SPART: variants seen among roughly 807,000 people sequenced by gnomAD.
SPART encodes spartin, also known as spastic paraplegia 20 (Troyer syndrome).
SPART carries 35 observed loss-of-function variants against 58.7 expected under a neutral mutation model. The ratio of observed to expected loss-of-function variants is 0.60; its 90% confidence interval spans 0.46 to 0.79. The LOEUF is 0.79. Among genes scored for constraint, SPART ranks in the 30% least tolerant of loss-of-function variants. The pLI is 0.00. For missense variants in SPART, 730 were observed against 786.1 expected, an observed-to-expected ratio of 0.93 and a Z score of 0.85; for synonymous variants, 284 against 280.7, an observed-to-expected ratio of 1.01 and a Z score of -0.12.
chr13:36,356,005 A>G (rs1470508265), intron 1 of SPART, among the ~76,000 whole-genome samples: 4 of 152,234 alleles, frequency 2.6e-5, no homozygotes, highest in Non-Finnish European at 5.9e-5. Flanking sequence ...TTTTACATAT[A>G]GTACTTAGCT....
chr13:36,367,492 G>A (rs1886106841), intron 1 of SPART, among the ~76,000 whole-genome samples: 1 of 152,030 alleles, frequency 6.6e-6, no homozygotes, highest in African/African-American at 2.4e-5. Context: ...TGGCAAGGTG[G>A]GGACCTCCTC....
chr13:36,317,852 C>T (rs190573951), intron 5 of SPART, among the ~76,000 whole-genome samples: 12 of 152,254 alleles, frequency 7.9e-5, no homozygotes, highest in Admixed American at 6.5e-5. Context: ...ACAGTAGTTC[C>T]AAATAGCCAG....
intron 1 of SPART, among the ~76,000 whole-genome samples, chr13:36,345,202 C>T (rs943473329): frequency 6.6e-6 from 1 of 152,186 alleles, no homozygotes; most frequent in African/African-American, 2.4e-5. Flanking sequence ...CCCTCCGTAG[C>T]ATCCCGCTCA....
chr13:36,325,299 C>A (rs756928874), intron 5 of SPART, among the ~76,000 whole-genome samples: 6 of 152,150 alleles, frequency 3.9e-5, no homozygotes, highest in Non-Finnish European at 8.8e-5. Flanking sequence ...CTTTGTAAAT[C>A]TCTTTCAAGT....
chr13:36,365,469 T>A (rs997399162), intron 1 of SPART: 6 of 363,866 alleles, frequency 1.6e-5, no homozygotes, highest in Admixed American at 7.9e-5. Flanking sequence ...CAAAATGTTT[T>A]TCATTTTGTT....
chr13:36,315,018 C>T (rs564510269), intron 5 of SPART, among the ~76,000 whole-genome samples: 1 of 152,178 alleles, frequency 6.6e-6, no homozygotes, highest in Non-Finnish European at 1.5e-5. Flanking sequence ...GCTACACATA[C>T]CTGAATGACA....
At chr13:36,316,731 C>T (rs920731575) in intron 5 of SPART, among the ~76,000 whole-genome samples, 3 of 152,202 alleles carry the variant, frequency 2.0e-5, no homozygotes, top group African/African-American at 4.8e-5. Context: ...GTTGCTCACA[C>T]AAAGCCTGTT....
At chr13:36,350,099 T>C (rs961062261), upstream of SPART, among the ~76,000 whole-genome samples, 1 of 152,230 alleles carries the variant, frequency 6.6e-6, no homozygotes, top group Non-Finnish European at 1.5e-5. Context: ...ATATATCTTA[T>C]TGAGGTAAAA....
Position 36,302,642 on chromosome 13 carries a change from A to G in SPART, c.*1723T>C, listed in dbSNP as rs1310830676. 2 of 152,154 alleles carry G rather than the reference A, an allele frequency of 1.3e-5. No individual in the cohort carries two copies. Among genetic ancestry groups the G allele is most frequent in the Non-Finnish European group, 2.9e-5 (2 of 68,014 alleles). 9.4% of individuals were successfully genotyped at this position (152,154 alleles called of 1,614,324 possible). On this transcript the variant is annotated 3_prime_UTR_variant, in exon 9 of 9. Coordinates refer to ENST00000438666, the MANE Select transcript of SPART (RefSeq NM_015087.5). ...TTATGGGTACATGGTAGGTGTATAT[A>G]TTTATGGGATACATGAGATATTTTG...
Position 36,331,598 on chromosome 13 carries a change from TG to T in SPART, c.811-3del. On this transcript the variant is annotated splice_region_variant and splice_polypyrimidine_tract_variant and intron_variant, in intron 2 of 8. Transcript: ENST00000438666. ...TAGAGGATATAACCAGTCACAAACC[TG>T]AAAGGATTCATTAGAAGAAAAAAAA... 1.2e-6 allele frequency: 2 copies of T among 1,610,280 alleles called. No individual in the cohort carries two copies. Among genetic ancestry groups the T allele is most frequent in the Non-Finnish European group, 1.7e-6 (2 of 1,177,148 alleles).
In SPART at chr13:36,323,461, T is replaced by A. The variant is rs180971200; in HGVS notation, c.1288+3114A>T. 2.2e-3 allele frequency among the ~76,000 whole-genome samples: 328 copies of A among 148,244 alleles called. 3 individuals are homozygous for A. Among genetic ancestry groups the A allele is most frequent in the Non-Finnish European group, 3.6e-3 (236 of 66,448 alleles). Reference sequence around the variant, plus strand: ...CAGGTAAACTTTCAGCATGGTTGTTTTACTTTTTTTACCTTTTACATTAGG... The same window carrying A: ...CAGGTAAACTTTCAGCATGGTTGTTATACTTTTTTTACCTTTTACATTAGG... On this transcript the variant is annotated intron_variant, in intron 5 of 8. Transcript: ENST00000438666.
intron 1 of SPART, among the ~76,000 whole-genome samples, chr13:36,357,672 T>G (rs550612162): frequency 6.6e-6 from 1 of 152,368 alleles, no homozygotes; most frequent in South Asian, 2.1e-4. Context: ...AGGTATTCTC[T>G]GTATACTTAT....
intron 1 of SPART, among the ~76,000 whole-genome samples, chr13:36,343,626 ATCAC>A (rs917464481): frequency 3.9e-5 from 6 of 152,208 alleles, no homozygotes; most frequent in African/African-American, 1.4e-4. Context: ...TGCTTTAAAA[ATCAC>A]TCACAACTAT....
At chr13:36,341,062 A>AATGG (rs1291695954) in intron 1 of SPART, among the ~76,000 whole-genome samples, 1 of 152,210 alleles carries the variant, frequency 6.6e-6, no homozygotes, top group Non-Finnish European at 1.5e-5. Context: ...CTGAGAAGTT[A>AATGG]ATGGACAGTG....
chr13:36,341,981 C>A (rs1258231553), intron 1 of SPART, among the ~76,000 whole-genome samples: 1 of 152,118 alleles, frequency 6.6e-6, no homozygotes, highest in East Asian at 1.9e-4. Context: ...CCTCAGGATA[C>A]AAGGAGGCCC....
chr13:36,314,391 T>C lies in SPART; in HGVS notation c.1319A>G (p.Lys440Arg), dbSNP rs553578965. ...TGCCTTACCAGTAATCTCAGCACCT[T>C]TGACTAAACCCCAACTCACCCAGGA... is the stretch of plus-strand genomic sequence containing the variant. ...GASWVSWGLV[K>R]GAEITGKAIQ... The change falls in exon 6 of 9, where the codon AAA (lysine) becomes AGA (arginine). Residue 440 changes from lysine to arginine, a missense_variant. By Grantham distance (26) the Lys-to-Arg change is conservative. Transcript: ENST00000438666. The C allele has an allele frequency of 9.3e-6, 15 of 1,614,014 alleles. No homozygotes were observed. The highest frequency in any genetic ancestry group is 4.4e-5 in the South Asian group (4 of 91,092).
At chr13:36,367,825 A>G (rs962788995) in intron 1 of SPART, among the ~76,000 whole-genome samples, 1 of 152,178 alleles carries the variant, frequency 6.6e-6, no homozygotes, top group Non-Finnish European at 1.5e-5. Context: ...CTCTAGTTCA[A>G]TTAAAATATG....
At chr13:36,319,473 T>G (rs1882128000) in intron 5 of SPART, among the ~76,000 whole-genome samples, 1 of 151,874 alleles carries the variant, frequency 6.6e-6, no homozygotes, top group Admixed American at 6.6e-5. Flanking sequence ...TAAAGCCTGT[T>G]ATCACTCGCC....
At chr13:36,349,279 A>C (rs1885319611), upstream of SPART, among the ~76,000 whole-genome samples, 1 of 152,106 alleles carries the variant, frequency 6.6e-6, no homozygotes, top group Non-Finnish European at 1.5e-5. Context: ...ACAAGCAAAA[A>C]ACTGCAGTAA....
Sources: allele counts gnomAD v4.1 joint callset (sites outside exome capture counted in the v4.1 genomes callset), GRCh38; gene constraint gnomAD v4.1.1; transcripts MANE v1.5; gene names NCBI Gene and HGNC (gene_info 2026-07-23, HGNC 2026-07-21).